Variants in NLGN1 observed in about 807,000 individuals in gnomAD.
NLGN1 encodes the protein neuroligin 1, also known as neuroligin-1.
Under a neutral mutation model 65.5 loss-of-function variants are expected in NLGN1, and 12 were observed. That is an observed-to-expected ratio of 0.18 (90% confidence interval 0.12 to 0.30). The LOEUF (loss-of-function observed/expected upper bound fraction) is 0.30, where lower values mean the gene tolerates loss of function less well. Among genes scored for constraint, NLGN1 ranks in the 10% least tolerant of loss-of-function variants. NLGN1 has a pLI of 1.00. For synonymous variants in NLGN1, 350 were observed against 359.5 expected (o/e 0.97, Z 0.30); for missense variants, 750 against 1,007.1 (o/e 0.74, Z 3.46).
chr3:173,432,381 C>T (rs760653178), intron 1 of NLGN1, among the ~76,000 whole-genome samples: 3 of 152,182 alleles, frequency 2.0e-5, no homozygotes, highest in Non-Finnish European at 2.9e-5. Flanking sequence ...ACCTCCTTGC[C>T]AGCATTTAGT....
At chr3:173,571,412 T>C (rs1183930784) in intron 2 of NLGN1, among the ~76,000 whole-genome samples, 1 of 152,238 alleles carries the variant, frequency 6.6e-6, no homozygotes, top group Admixed American at 6.5e-5. Flanking sequence ...ATATAAAAGA[T>C]GCCCTTGGCA....
chr3:173,781,661 T>G (rs1234870986), intron 3 of NLGN1, among the ~76,000 whole-genome samples: 1 of 152,198 alleles, frequency 6.6e-6, no homozygotes, highest in Non-Finnish European at 1.5e-5. Context: ...TGATATCACT[T>G]CAGACAGGAG....
intron 4 of NLGN1, among the ~76,000 whole-genome samples, chr3:174,166,798 C>T (rs1051975324): frequency 2.0e-5 from 3 of 151,976 alleles, no homozygotes; most frequent in African/African-American, 7.2e-5. Flanking sequence ...TTCCCCACTA[C>T]TGTTGTGTTG....
intron 3 of NLGN1, among the ~76,000 whole-genome samples, chr3:173,699,198 C>T (rs1766724551): frequency 6.6e-6 from 1 of 152,120 alleles, no homozygotes. Flanking sequence ...TCATCTACCC[C>T]TCAATCATGG....
chr3:174,121,617 A>G (rs745409823), intron 4 of NLGN1, among the ~76,000 whole-genome samples: 6 of 152,236 alleles, frequency 3.9e-5, no homozygotes, highest in Non-Finnish European at 8.8e-5. Flanking sequence ...AGCTATGGGC[A>G]TACAATTTCA....
At chr3:174,122,428 T>C (rs902910074) in intron 4 of NLGN1, among the ~76,000 whole-genome samples, 6 of 152,186 alleles carry the variant, frequency 3.9e-5, no homozygotes, top group Admixed American at 1.3e-4. Flanking sequence ...GCACACTTTC[T>C]TGCTTTAACT....
At chr3:173,868,353 C>T (rs2150850864) in intron 4 of NLGN1, among the ~76,000 whole-genome samples, 1 of 152,114 alleles carries the variant, frequency 6.6e-6, no homozygotes, top group East Asian at 1.9e-4. Context: ...ATGACTATAT[C>T]GATATAATTC....
rs542516073 is a variant in NLGN1, at chr3:174,236,511, C to CA, written c.647-38798dup. Among the ~76,000 whole-genome samples the CA allele has an allele frequency of 1.6e-4, 25 of 151,902 alleles. No individual in the cohort carries two copies. The South Asian group carries it at 5.0e-3, about 30-fold the overall frequency. ...TTCATTGTAGATTGTAACTCTGATCCAAAAAATGTCCCTCTTTTTAAAAAA... is the reference window on the plus strand; with the variant it reads ...TTCATTGTAGATTGTAACTCTGATCCAAAAAAATGTCCCTCTTTTTAAAAAA... On this transcript the variant is annotated intron_variant, in intron 4 of 6. Transcript: ENST00000457714.
chr3:173,830,773 T>C (rs1229781782), intron 4 of NLGN1, among the ~76,000 whole-genome samples: 1 of 152,208 alleles, frequency 6.6e-6, no homozygotes, highest in African/African-American at 2.4e-5. Flanking sequence ...AATGATGAAT[T>C]AACTGTCATA....
intron 4 of NLGN1, among the ~76,000 whole-genome samples, chr3:173,890,774 C>T (rs143217447): frequency 6.6e-6 from 1 of 152,284 alleles, no homozygotes; most frequent in African/African-American, 2.4e-5. Flanking sequence ...CCGAGAGCTC[C>T]TTCACACATG....
At chr3:173,949,508 A>G (rs1356134100) in intron 4 of NLGN1, among the ~76,000 whole-genome samples, 1 of 152,154 alleles carries the variant, frequency 6.6e-6, no homozygotes, top group Non-Finnish European at 1.5e-5. Context: ...GTCAATTTAT[A>G]GACTCTGGGG....
chr3:174,019,335 G>A (rs527527445), intron 4 of NLGN1, among the ~76,000 whole-genome samples: 1 of 152,176 alleles, frequency 6.6e-6, no homozygotes, highest in East Asian at 1.9e-4. Flanking sequence ...CCATGGATAG[G>A]ACTGGTGGCT....
At chr3:173,995,443 C>T (rs1722061117) in intron 4 of NLGN1, among the ~76,000 whole-genome samples, 1 of 152,090 alleles carries the variant, frequency 6.6e-6, no homozygotes, top group Non-Finnish European at 1.5e-5. Flanking sequence ...GAATCCTAAT[C>T]CCAAATTTTT....
chr3:174,047,829 C>A (rs1252420609), intron 4 of NLGN1, among the ~76,000 whole-genome samples: 2 of 151,016 alleles, frequency 1.3e-5, no homozygotes, highest in South Asian at 4.2e-4. Context: ...ATATAATTTG[C>A]AAGATTTTTA....
chr3:173,505,095 C>T (rs1433122375), intron 2 of NLGN1, among the ~76,000 whole-genome samples: 4 of 151,890 alleles, frequency 2.6e-5, no homozygotes, highest in African/African-American at 7.2e-5. Flanking sequence ...ATCCAGACTT[C>T]CTCTTCCATT....
At chr3:173,998,124 G>T (rs995028652) in intron 4 of NLGN1, among the ~76,000 whole-genome samples, 1 of 152,110 alleles carries the variant, frequency 6.6e-6, no homozygotes, top group Non-Finnish European at 1.5e-5. Flanking sequence ...GAAAAGTAAA[G>T]CCCAACAAGG....
At chr3:173,484,214 A>G (rs1045519588) in intron 2 of NLGN1, among the ~76,000 whole-genome samples, 1 of 152,176 alleles carries the variant, frequency 6.6e-6, no homozygotes, top group Non-Finnish European at 1.5e-5. Flanking sequence ...CACTGAGCAA[A>G]TGATGCTGGG....
At chr3:173,810,808 C>T (rs566480397) in intron 4 of NLGN1, among the ~76,000 whole-genome samples, 2 of 152,240 alleles carry the variant, frequency 1.3e-5, no homozygotes, top group East Asian at 3.9e-4. Context: ...TCAGAAGAAG[C>T]TAGTAACAGG....
At chr3:173,852,229 G>A (rs1017416115) in intron 4 of NLGN1, among the ~76,000 whole-genome samples, 3 of 150,382 alleles carry the variant, frequency 2.0e-5, no homozygotes, top group Admixed American at 6.6e-5. Flanking sequence ...GGTAGCGGGC[G>A]CCTGTAGTCC....
Sources: gnomAD v4.1 joint callset for allele counts (sites outside exome capture counted in the v4.1 genomes callset) on GRCh38, gnomAD v4.1.1 for gene constraint, MANE v1.5 for transcripts, NCBI Gene and HGNC (gene_info 2026-07-23, HGNC 2026-07-21) for gene names.